Variants in AGBL4 observed in about 807,000 individuals in gnomAD.
AGBL4 encodes cytosolic carboxypeptidase 6.
A neutral mutation model predicts 66.4 loss-of-function variants in AGBL4; 58 were observed. The ratio of observed to expected loss-of-function variants is 0.87; its 90% CI spans 0.71 to 1.09. The LOEUF (loss-of-function observed/expected upper bound fraction) is 1.09, where lower values mean the gene tolerates loss of function less well. Ranked by LOEUF, AGBL4 falls within the 50% of genes least tolerant of loss-of-function variation. The probability of loss-of-function intolerance (pLI) is 0.00; values close to 1 mark genes in which losing one functional copy is unlikely to be tolerated. For synonymous variants in AGBL4, 234 were observed against 222.9 expected, an observed-to-expected ratio of 1.05 and a Z score of -0.44; for missense variants, 579 against 631.0, an observed-to-expected ratio of 0.92 and a Z score of 0.88.
At chr1:48,758,393 C>T (rs12125554) in intron 6 of AGBL4, among the ~76,000 whole-genome samples, 30,100 of 152,218 alleles carry the variant, frequency 0.2, 3,614 homozygotes, top group East Asian at 0.39. Flanking sequence ...ACTGCCCAAC[C>T]TTCAAAGCTC....
At chr1:49,653,822 T>C (rs932085421) in intron 3 of AGBL4, among the ~76,000 whole-genome samples, 1 of 151,382 alleles carries the variant, frequency 6.6e-6, no homozygotes. Context: ...TATGGGATTA[T>C]ATAAAAAGAC....
At chr1:48,586,230 T>C (rs537048126) in intron 11 of AGBL4, 5 of 152,304 alleles carry the variant, frequency 3.3e-5, no homozygotes, top group African/African-American at 1.2e-4. Context: ...AATTTCATCA[T>C]GGAAGGCTTT....
At chr1:49,029,719 C>G (rs1664051531) in intron 5 of AGBL4, among the ~76,000 whole-genome samples, 1 of 152,066 alleles carries the variant, frequency 6.6e-6, no homozygotes. Flanking sequence ...CCATGTATAG[C>G]CAAAACAATC....
intron 3 of AGBL4, among the ~76,000 whole-genome samples, chr1:49,382,606 C>T (rs1183910452): frequency 6.6e-6 from 1 of 152,008 alleles, no homozygotes; most frequent in East Asian, 1.9e-4. Context: ...AGGAACAAGG[C>T]AAGAATGCCT....
At chr1:49,802,415 GT>G (rs1644882737) in intron 2 of AGBL4, among the ~76,000 whole-genome samples, 1 of 152,142 alleles carries the variant, frequency 6.6e-6, no homozygotes, top group Non-Finnish European at 1.5e-5. Flanking sequence ...TCTATGGATT[GT>G]TTGTAACCAG....
At chr1:49,413,512 T>G (rs941860024) in intron 3 of AGBL4, among the ~76,000 whole-genome samples, 2 of 152,200 alleles carry the variant, frequency 1.3e-5, no homozygotes, top group African/African-American at 4.8e-5. Context: ...GACCAATGCC[T>G]TTTCCTAGAC....
At chr1:49,735,897 A>T (rs970373726) in intron 2 of AGBL4, among the ~76,000 whole-genome samples, 1 of 152,160 alleles carries the variant, frequency 6.6e-6, no homozygotes, top group Admixed American at 6.6e-5. Flanking sequence ...AACTTAATTG[A>T]AAAACAAAAA....
At chr1:49,386,195 G>A (rs940502468) in intron 3 of AGBL4, among the ~76,000 whole-genome samples, 3 of 151,610 alleles carry the variant, frequency 2.0e-5, no homozygotes, top group Admixed American at 2.0e-4. Context: ...AATACTAAAT[G>A]TTAGAATATG....
intron 1 of AGBL4, among the ~76,000 whole-genome samples, chr1:50,001,417 T>TTGTGTG (rs35073061): frequency 8.8e-5 from 13 of 147,022 alleles, no homozygotes; most frequent in East Asian, 6.0e-4. Flanking sequence ...AAAAAATAAT[T>TTGTGTG]TGTGTGTGTG....
rs1164995591 is a variant in AGBL4, at chr1:49,340,701, C to T, written c.283-94837G>A. On this transcript the variant is annotated intron_variant, in intron 3 of 13. Transcript: ENST00000371839. ...AGAGACTTTCAAACCAGAGCAACTC[C>T]ATATTGAAACGGGGCTGGGTAAAAT... Among the ~76,000 whole-genome samples the T allele has an allele frequency of 3.3e-5, 5 of 152,122 alleles. No homozygotes were observed. In the East Asian group the frequency reaches 9.6e-4, roughly 29 times the overall value.
chr1:49,915,988 C>G (rs1284023428), intron 1 of AGBL4, among the ~76,000 whole-genome samples: 1 of 152,104 alleles, frequency 6.6e-6, no homozygotes, highest in African/African-American at 2.4e-5. Context: ...TGGAGTGGAC[C>G]TCCAGCAAAC....
intron 3 of AGBL4, among the ~76,000 whole-genome samples, chr1:49,475,571 G>A (rs1646830282): frequency 1.3e-5 from 2 of 151,950 alleles, no homozygotes; most frequent in Admixed American, 6.6e-5. Flanking sequence ...GCTTGTGTTT[G>A]TTGTAGGTAT....
At chr1:49,336,837 T>C (rs1412891829) in intron 3 of AGBL4, among the ~76,000 whole-genome samples, 1 of 152,190 alleles carries the variant, frequency 6.6e-6, no homozygotes, top group Non-Finnish European at 1.5e-5. Flanking sequence ...TTCTAAACTA[T>C]AGCAGGTGCC....
At chr1:48,775,509 A>G (rs1293117050) in intron 6 of AGBL4, among the ~76,000 whole-genome samples, 1 of 152,192 alleles carries the variant, frequency 6.6e-6, no homozygotes, top group Non-Finnish European at 1.5e-5. Context: ...TTCTGGTAGA[A>G]GGCAGGAACA....
At chr1:49,762,171 C>T (rs954030125) in intron 2 of AGBL4, among the ~76,000 whole-genome samples, 2 of 152,082 alleles carry the variant, frequency 1.3e-5, no homozygotes, top group Non-Finnish European at 2.9e-5. Context: ...TACATAGTGG[C>T]TGTATTAATT....
intron 2 of AGBL4, among the ~76,000 whole-genome samples, chr1:49,781,385 G>C (rs887885549): frequency 6.6e-6 from 1 of 152,026 alleles, no homozygotes; most frequent in African/African-American, 2.4e-5. Context: ...AACAGAGCAA[G>C]ACCCTGTCTC....
At chr1:48,560,639 T>C (rs1644383323) in intron 11 of AGBL4, among the ~76,000 whole-genome samples, 1 of 152,244 alleles carries the variant, frequency 6.6e-6, no homozygotes, top group Admixed American at 6.5e-5. Flanking sequence ...GAAGAAGCTC[T>C]GGCCTACAGT....
chr1:49,715,235 G>A (rs985562840), intron 2 of AGBL4, among the ~76,000 whole-genome samples: 3 of 152,082 alleles, frequency 2.0e-5, no homozygotes, highest in African/African-American at 7.2e-5. Context: ...CTGTTCCTGT[G>A]TTAGTTTGCT....
chr1:49,495,547 A>C (rs953569782), intron 3 of AGBL4, among the ~76,000 whole-genome samples: 1 of 146,326 alleles, frequency 6.8e-6, no homozygotes, highest in South Asian at 2.2e-4. Context: ...CAGAAGGAAC[A>C]AAAAAAAAAA....
Sources: gnomAD v4.1 joint callset for allele counts (sites outside exome capture counted in the v4.1 genomes callset) on GRCh38, gnomAD v4.1.1 for gene constraint, MANE v1.5 for transcripts, NCBI Gene and HGNC (gene_info 2026-07-23, HGNC 2026-07-21) for gene names.